CNTNAP5: variants seen among roughly 807,000 people sequenced by gnomAD.
CNTNAP5 encodes contactin associated protein family member 5, also known as contactin-associated protein-like 5.
In CNTNAP5, 72 loss-of-function variants were observed where a neutral mutation model predicts 150.2. That is an observed-to-expected ratio of 0.48 (90% confidence interval 0.40 to 0.58). CNTNAP5 has a LOEUF of 0.58. Ranked by LOEUF, CNTNAP5 falls within the 20% of genes least tolerant of loss-of-function variation. The probability of loss-of-function intolerance (pLI) is 0.00; values close to 1 mark genes in which losing one functional copy is unlikely to be tolerated. For missense variants in CNTNAP5, 1,636 were observed against 1,626.2 expected, an observed-to-expected ratio of 1.01 and a Z score of -0.10; for synonymous variants, 672 against 619.8, an observed-to-expected ratio of 1.08 and a Z score of -1.25.
chr2:124,903,298 GTAAT>G (rs886944320), intron 22 of CNTNAP5, among the ~76,000 whole-genome samples, 198 bp downstream of exon 22: 1 of 152,032 alleles, frequency 6.6e-6, no homozygotes, highest in Non-Finnish European at 1.5e-5. Context: ...AATATGATGA[GTAAT>G]TAAAACTAAA....
At chr2:124,524,587 T>TAC (rs969083009) in intron 9 of CNTNAP5, 135 bp downstream of exon 9, 3 of 770,288 alleles carry the variant, frequency 3.9e-6, no homozygotes, top group African/African-American at 3.5e-5. Flanking sequence ...CACATGCACA[T>TAC]ACACACACAC....
intron 19 of CNTNAP5, among the ~76,000 whole-genome samples, chr2:124,861,825 A>C (rs150748239): frequency 2.4e-4 from 36 of 152,116 alleles, no homozygotes; most frequent in African/African-American, 7.7e-4. Context: ...TATTATTATT[A>C]GTTTTTGAGA....
chr2:124,129,165 T>C (rs1301048888), intron 1 of CNTNAP5, among the ~76,000 whole-genome samples: 1 of 151,942 alleles, frequency 6.6e-6, no homozygotes, highest in African/African-American at 2.4e-5. Context: ...TACAACTAGA[T>C]GGTGGTTGCA....
intron 13 of CNTNAP5, among the ~76,000 whole-genome samples, chr2:124,720,504 A>G (rs183711014): frequency 6.6e-6 from 1 of 152,328 alleles, no homozygotes; most frequent in East Asian, 1.9e-4. Context: ...TATTTCCAAA[A>G]AGAACCTTCT....
chr2:124,912,216 G>A (rs189078197), intron 23 of CNTNAP5, among the ~76,000 whole-genome samples: 3 of 152,224 alleles, frequency 2.0e-5, no homozygotes, highest in Admixed American at 6.5e-5. Context: ...TAAGATGCCT[G>A]TGAAAGACCA....
chr2:124,545,466 C>A (rs1695490782), intron 10 of CNTNAP5, among the ~76,000 whole-genome samples: 2 of 151,964 alleles, frequency 1.3e-5, no homozygotes, highest in African/African-American at 2.4e-5. Context: ...AAGAAGCTAA[C>A]CTAAAGGAAG....
chr2:124,245,638 TG>T (rs1686998954), intron 3 of CNTNAP5, among the ~76,000 whole-genome samples: 1 of 151,358 alleles, frequency 6.6e-6, no homozygotes, highest in African/African-American at 2.4e-5. Flanking sequence ...TATATGTGTG[TG>T]TTTGTGTGTA....
chr2:124,182,024 A>C (rs1326557715), intron 1 of CNTNAP5, among the ~76,000 whole-genome samples: 1 of 152,220 alleles, frequency 6.6e-6, no homozygotes, highest in Non-Finnish European at 1.5e-5. Context: ...AAAGTCATCC[A>C]AACAGCTATA....
chr2:124,754,163 C>T (rs781270360), intron 14 of CNTNAP5, among the ~76,000 whole-genome samples: 12 of 152,048 alleles, frequency 7.9e-5, no homozygotes, highest in Non-Finnish European at 1.8e-4. Context: ...ATTAAGGGCG[C>T]CTTAGACCAC....
intron 1 of CNTNAP5, among the ~76,000 whole-genome samples, chr2:124,042,130 G>A (rs544000637): frequency 2.0e-5 from 3 of 152,194 alleles, no homozygotes; most frequent in Admixed American, 1.3e-4. Flanking sequence ...CAAAGTGCTG[G>A]GATTACCGGC....
intron 13 of CNTNAP5, among the ~76,000 whole-genome samples, chr2:124,658,789 G>T (rs1465326163): frequency 6.6e-6 from 1 of 152,242 alleles, no homozygotes; most frequent in Admixed American, 6.5e-5. Flanking sequence ...TGGCTTACGG[G>T]GTAGATATGG....
chr2:124,681,269 T>C (rs572433069), intron 13 of CNTNAP5, among the ~76,000 whole-genome samples: 31 of 136,422 alleles, frequency 2.3e-4, no homozygotes, highest in Non-Finnish European at 3.6e-4. Context: ...GCCACTGTAC[T>C]CCAGCCCTAG....
intron 3 of CNTNAP5, among the ~76,000 whole-genome samples, chr2:124,336,342 C>A (rs1342534923): frequency 6.6e-6 from 1 of 152,098 alleles, no homozygotes; most frequent in African/African-American, 2.4e-5. Context: ...TTCAGTAGCA[C>A]TCTGTTTGTC....
chr2:124,707,176 A>AGAAGAAGAAGAAGAT lies in CNTNAP5; in HGVS notation c.2078-40039_2078-40038insTGAAGAAGAAGAAGA, dbSNP rs1553433703. On this transcript the variant is annotated intron_variant, in intron 13 of 23. Transcript: ENST00000682447. The stretch of plus-strand genomic sequence containing the variant: ...AAGAAGAAGAAGAAGAAGAAGAAGA[A>AGAAGAAGAAGAAGAT]GAAGAAGAAGAAGAAGAAGAAGAAG... 3.1e-4 allele frequency among the ~76,000 whole-genome samples: 38 copies of AGAAGAAGAAGAAGAT among 121,624 alleles called. 2 individuals are homozygous for AGAAGAAGAAGAAGAT. Among genetic ancestry groups the AGAAGAAGAAGAAGAT allele is most frequent in the East Asian group, 1.9e-3 (6 of 3,172 alleles). The allele number at this position is 121,624 out of a possible 152,430, so 79.8% of individuals were successfully genotyped here.
intron 1 of CNTNAP5, among the ~76,000 whole-genome samples, chr2:124,050,227 C>T (rs1418873856): frequency 1.3e-5 from 2 of 152,034 alleles, no homozygotes; most frequent in African/African-American, 4.8e-5. Context: ...ATTTGGGAGG[C>T]CAAGGCAGGT....
At chr2:124,714,389 C>T (rs550388795) in intron 13 of CNTNAP5, among the ~76,000 whole-genome samples, 21 of 152,292 alleles carry the variant, frequency 1.4e-4, no homozygotes, top group Admixed American at 1.2e-3. Context: ...AGACCCTCAT[C>T]ACAGCTAAAT....
intron 1 of CNTNAP5, among the ~76,000 whole-genome samples, chr2:124,157,785 T>C (rs539011566): frequency 1.3e-5 from 2 of 152,256 alleles, no homozygotes; most frequent in South Asian, 2.1e-4. Context: ...ATTTCCCTTC[T>C]TCCACCCAAC....
At chr2:124,347,598 C>T (rs1041326018) in intron 3 of CNTNAP5, among the ~76,000 whole-genome samples, 2 of 152,124 alleles carry the variant, frequency 1.3e-5, no homozygotes, top group African/African-American at 4.8e-5. Context: ...CTCCTATGAT[C>T]CTATGATCCC....
At chr2:124,764,576 C>T (rs1681028335) in intron 16 of CNTNAP5, among the ~76,000 whole-genome samples, 1 of 152,116 alleles carries the variant, frequency 6.6e-6, no homozygotes, top group South Asian at 2.1e-4. Context: ...ACACTAGGAG[C>T]GTGTGACTAT....
Sources: allele counts gnomAD v4.1 joint callset (sites outside exome capture counted in the v4.1 genomes callset), GRCh38; gene constraint gnomAD v4.1.1; transcripts MANE v1.5; gene names NCBI Gene and HGNC (gene_info 2026-07-23, HGNC 2026-07-21).